The following SCNN1B variants were observed in gnomAD, a reference collection of about 807,000 sequenced individuals.
SCNN1B encodes epithelial sodium channel subunit beta.
A neutral mutation model predicts 65.3 loss-of-function variants in SCNN1B; 46 were observed. The observed-to-expected ratio is 0.70, with a 90% CI of 0.56 to 0.90. The LOEUF is 0.90. Ranked by LOEUF, SCNN1B falls within the 40% of genes least tolerant of loss-of-function variation. The pLI, the probability that SCNN1B is intolerant of heterozygous loss-of-function variation, is 0.00. For missense variants in SCNN1B, 751 were observed against 830.5 expected (o/e 0.90, Z 1.18); for synonymous variants, 349 against 330.6 (o/e 1.06, Z -0.60).
intron 1 of SCNN1B, among the ~76,000 whole-genome samples, chr16:23,337,298 C>T (rs1961962341): frequency 6.6e-6 from 1 of 152,064 alleles, no homozygotes; most frequent in African/African-American, 2.4e-5. Context: ...CAGTGATCCT[C>T]CTGCTTCAGT....
intron 4 of SCNN1B, among the ~76,000 whole-genome samples, chr16:23,356,485 A>C (rs991395167): frequency 2.0e-5 from 3 of 152,068 alleles, no homozygotes; most frequent in Non-Finnish European, 4.4e-5. Flanking sequence ...CCAGCCAGAT[A>C]TAGTCATGCT....
upstream of SCNN1B, among the ~76,000 whole-genome samples, chr16:23,300,528 T>A (rs1961059895): frequency 7.3e-6 from 1 of 136,834 alleles, no homozygotes; most frequent in Non-Finnish European, 1.5e-5. Context: ...TTCCCACTGA[T>A]TTTTTTTTTT....
Position 23,371,319 on chromosome 16 carries a change from A to G in SCNN1B, c.901A>G (p.Ile301Val), listed in dbSNP as rs1962777683. 1 of 1,614,056 alleles carries G rather than the reference A, an allele frequency of 6.2e-7. No homozygotes were observed. The highest frequency in any genetic ancestry group is 8.5e-7 in the Non-Finnish European group (1 of 1,179,966). Residue 301 changes from isoleucine (I) to valine (V), a missense_variant, in exon 6 of 13, where the codon ATA becomes GTA. Coordinates refer to ENST00000343070, the MANE Select transcript of SCNN1B (RefSeq NM_000336.3). ...TEFGLKLILD[I>V]GQEDYVPFLA... ...CACAGGCCTGAAGTTGATCCTGGAC[A>G]TAGGCCAGGAAGACTACGTCCCCTT...
At chr16:23,319,921 C>G (rs913032353) in intron 1 of SCNN1B, among the ~76,000 whole-genome samples, 1 of 152,142 alleles carries the variant, frequency 6.6e-6, no homozygotes, top group Non-Finnish European at 1.5e-5. Flanking sequence ...GTGCACGCCA[C>G]CACGTCCGAC....
At chr16:23,370,040 C>T (rs1962751099) in intron 5 of SCNN1B, among the ~76,000 whole-genome samples, 1 of 152,220 alleles carries the variant, frequency 6.6e-6, no homozygotes, top group Non-Finnish European at 1.5e-5. Flanking sequence ...AAGCGATTCT[C>T]CTGCCTCAGC....
Position 23,380,695 on chromosome 16 carries a change from G to T in SCNN1B, c.1817G>T (p.Ser606Ile). ...PRSPNTGPYP[S>I]EQALPIPGTP... ...AGCCCCAACACTGGGCCCTACCCCA[G>T]TGAGCAGGCCCTGCCCATCCCAGGC... is the stretch of plus-strand genomic sequence containing the variant. Residue 606 changes from serine to isoleucine, a missense_variant, in exon 13 of 13, where the codon AGT (serine) becomes ATT (isoleucine). Ser to Ile is a moderately radical substitution (Grantham distance 142). Transcript: ENST00000343070. The surrounding 1 kb of genome is among the most constrained non-coding windows in gnomAD (Gnocchi z 5.4). The T allele has an allele frequency of 6.2e-7, 1 of 1,612,412 alleles. No individual in the cohort carries two copies. Among genetic ancestry groups the T allele is most frequent in the Non-Finnish European group, 8.5e-7 (1 of 1,179,552 alleles).
At chr16:23,297,106 C>T (rs1173423867) in intron 2 of SCNN1B, among the ~76,000 whole-genome samples, 2 of 152,152 alleles carry the variant, frequency 1.3e-5, no homozygotes, top group Admixed American at 6.6e-5. Flanking sequence ...TGGGGGCCTC[C>T]GGACCTGTAG....
intron 1 of SCNN1B, among the ~76,000 whole-genome samples, chr16:23,309,135 A>AT (rs1001684770): frequency 6.6e-6 from 1 of 151,730 alleles, no homozygotes; most frequent in African/African-American, 2.4e-5. Flanking sequence ...GAAGAAACCA[A>AT]TTTTTTTTCA....
chr16:23,309,132 C>A (rs1203885470), intron 1 of SCNN1B, among the ~76,000 whole-genome samples: 1 of 152,058 alleles, frequency 6.6e-6, no homozygotes, highest in Admixed American at 6.6e-5. Context: ...TTGGAAGAAA[C>A]CAATTTTTTT....
intron 2 of SCNN1B, among the ~76,000 whole-genome samples, chr16:23,292,799 C>T (rs974808140): frequency 2.6e-5 from 4 of 151,594 alleles, no homozygotes; most frequent in African/African-American, 9.7e-5. Flanking sequence ...CCACTGTGCC[C>T]GGCCAGCAAT....
chr16:23,340,373 T>C (rs1483788177), intron 1 of SCNN1B, among the ~76,000 whole-genome samples: 1 of 152,348 alleles, frequency 6.6e-6, no homozygotes, highest in East Asian at 1.9e-4. Flanking sequence ...ATCCTAAGGT[T>C]ACACAGATTT....
intron 1 of SCNN1B, among the ~76,000 whole-genome samples, chr16:23,338,599 T>TC (rs1961991047): frequency 6.6e-6 from 1 of 152,088 alleles, no homozygotes; most frequent in Non-Finnish European, 1.5e-5. Flanking sequence ...AGTCACAAAG[T>TC]CAGATGTCCA....
At chr16:23,343,308 C>T (rs773569639) in intron 1 of SCNN1B, among the ~76,000 whole-genome samples, 4 of 151,590 alleles carry the variant, frequency 2.6e-5, no homozygotes, top group Admixed American at 6.6e-5. Flanking sequence ...CAAAATTAGC[C>T]GGGCGTGGTG....
At chr16:23,333,943 C>A (rs1035852067) in intron 1 of SCNN1B, among the ~76,000 whole-genome samples, 5 of 152,206 alleles carry the variant, frequency 3.3e-5, no homozygotes, top group African/African-American at 9.6e-5. Flanking sequence ...CCAAACCCTA[C>A]CCTGTCTGCC....
At chr16:23,378,480 T>C (rs1388785398) in intron 10 of SCNN1B, among the ~76,000 whole-genome samples, 2 of 151,964 alleles carry the variant, frequency 1.3e-5, no homozygotes, top group Non-Finnish European at 2.9e-5. Flanking sequence ...CCGGGCAGGG[T>C]GGCCAGGCCC....
At chr16:23,328,393 G>T (rs1304056433) in intron 1 of SCNN1B, among the ~76,000 whole-genome samples, 1 of 152,152 alleles carries the variant, frequency 6.6e-6, no homozygotes, top group African/African-American at 2.4e-5. Context: ...TAGTATAATT[G>T]GTTCCCAGGG....
rs569613234 is a variant in SCNN1B at position 23,285,321 on chromosome 16, C to T, written n.178+1517C>T. On this transcript the variant is annotated intron_variant and non_coding_transcript_variant, in intron 2 of 3. Transcript: ENST00000569789. ...CCCAGTAGCTGGGACTACAGGTGTG[C>T]ACCACCACACCCAGCTAATTTTTTA... Among the ~76,000 whole-genome samples the T allele has an allele frequency of 5.3e-5, 8 of 152,226 alleles. No individual in the cohort carries two copies. In the East Asian group the frequency reaches 1.5e-3, roughly 29 times the overall value.
chr16:23,335,831 G>C (rs1439190298), intron 1 of SCNN1B, among the ~76,000 whole-genome samples: 2 of 151,658 alleles, frequency 1.3e-5, no homozygotes, highest in Non-Finnish European at 2.9e-5. Flanking sequence ...TGTATATATT[G>C]ACAACATTCA....
intron 4 of SCNN1B, among the ~76,000 whole-genome samples, chr16:23,357,305 C>A (rs906835772): frequency 6.6e-6 from 1 of 152,312 alleles, no homozygotes; most frequent in Non-Finnish European, 1.5e-5. Context: ...CAGGTGCAAC[C>A]GGACATGTGG....
Sources: gnomAD v4.1 joint callset for allele counts (sites outside exome capture counted in the v4.1 genomes callset) on GRCh38, gnomAD v4.1.1 for gene constraint, Gnocchi (gnomAD v3.1) non-coding constraint, MANE v1.5 for transcripts, NCBI Gene and HGNC (gene_info 2026-07-23, HGNC 2026-07-21) for gene names.